The following PCGF5 variants were observed in gnomAD, a reference collection of about 807,000 sequenced individuals.
PCGF5 encodes the protein polycomb group RING finger protein 5.
Under a neutral mutation model 44.3 loss-of-function variants are expected in PCGF5, and 9 were observed. The observed-to-expected ratio is 0.20, with a 90% CI of 0.12 to 0.35. The LOEUF is 0.35. PCGF5 is among the 10% of genes least tolerant of loss of function. PCGF5 has a pLI of 1.00. For synonymous variants in PCGF5, 95 were observed against 102.5 expected (o/e 0.93, Z 0.44); for missense variants, 146 against 305.3 (o/e 0.48, Z 3.89).
intron 9 of PCGF5, among the ~76,000 whole-genome samples, chr10:91,273,977 A>G (rs1846247003): frequency 6.6e-6 from 1 of 151,852 alleles, no homozygotes; most frequent in Non-Finnish European, 1.5e-5. Flanking sequence ...AATTTTTCAA[A>G]ACAACAGAAA....
intron 1 of PCGF5, among the ~76,000 whole-genome samples, chr10:91,164,317 A>G (rs1843456845): frequency 6.6e-6 from 1 of 152,114 alleles, no homozygotes; most frequent in African/African-American, 2.4e-5. Flanking sequence ...CCTCTTCCAC[A>G]CTAACTTTTG....
intron 1 of PCGF5, among the ~76,000 whole-genome samples, chr10:91,184,470 A>T (rs1307949704): frequency 6.6e-6 from 1 of 152,138 alleles, no homozygotes; most frequent in Non-Finnish European, 1.5e-5. Flanking sequence ...TTTTAGCGTG[A>T]TTTTTAGCTT....
chr10:91,233,181 G>A (rs1326787290), intron 2 of PCGF5, among the ~76,000 whole-genome samples: 1 of 152,108 alleles, frequency 6.6e-6, no homozygotes, highest in East Asian at 1.9e-4. Flanking sequence ...ACGGGGAATG[G>A]GGCCATCCCA....
At position 91,241,712 on chromosome 10, in the gene PCGF5, A is replaced by G. The variant is rs1254874418; in HGVS notation, c.209+1132A>G. The stretch of plus-strand genomic sequence containing the variant: ...GCTACTCATCTAAAGATAGAGCTAG[A>G]TAGTCTCTGGAACCTTTCATAACTC... On this transcript the variant is annotated intron_variant, in intron 3 of 9. Transcript: ENST00000336126. Among the ~76,000 whole-genome samples the G allele has an allele frequency of 2.6e-5, 4 of 152,006 alleles. No homozygotes were observed. The South Asian group carries it at 6.2e-4, about 24-fold the overall frequency.
chr10:91,258,280 A>G (rs1845807491), intron 6 of PCGF5, among the ~76,000 whole-genome samples: 1 of 152,170 alleles, frequency 6.6e-6, no homozygotes, highest in African/African-American at 2.4e-5. Flanking sequence ...GATTGTAAGT[A>G]GTGATACAAA....
chr10:91,273,844 A>G (rs1846241448), intron 9 of PCGF5, among the ~76,000 whole-genome samples: 1 of 149,920 alleles, frequency 6.7e-6, no homozygotes, highest in Non-Finnish European at 1.5e-5. Context: ...AGTGTATAAT[A>G]TAAAATATTT....
exon 1 of PCGF5, chr10:91,163,029 G>C (rs2133148692): frequency 1.4e-5 from 2 of 146,834 alleles, no homozygotes; most frequent in East Asian, 4.1e-4. Flanking sequence ...GCGCGCGCTC[G>C]CGCACCACGC....
intron 1 of PCGF5, among the ~76,000 whole-genome samples, chr10:91,199,592 A>G (rs1023007778): frequency 6.6e-6 from 1 of 152,224 alleles, no homozygotes; most frequent in Non-Finnish European, 1.5e-5. Context: ...CATCTTCCAC[A>G]TTAATGTACG....
At chr10:91,194,975 G>A (rs1011896901) in intron 1 of PCGF5, among the ~76,000 whole-genome samples, 3 of 152,136 alleles carry the variant, frequency 2.0e-5, no homozygotes, top group Non-Finnish European at 4.4e-5. Flanking sequence ...ATTCACTATG[G>A]TGAAAGCAGA....
intron 1 of PCGF5, among the ~76,000 whole-genome samples, chr10:91,177,797 C>T (rs963016102): frequency 1.3e-5 from 2 of 152,168 alleles, no homozygotes; most frequent in African/African-American, 2.4e-5. Flanking sequence ...TTCCAGGTGC[C>T]GTCTGTCACC....
At position 91,261,344 on chromosome 10, in the gene PCGF5, A is replaced by G. The variant is rs1204358468; in HGVS notation, c.493A>G (p.Ile165Val). The G allele has an allele frequency of 1.3e-6, 2 of 1,498,156 alleles. No individual in the cohort carries two copies. Among genetic ancestry groups the G allele is most frequent in the Non-Finnish European group, 1.8e-6 (2 of 1,112,222 alleles). The allele number at this position is 1,498,156 out of a possible 1,614,324, so 92.8% of individuals were successfully genotyped here. ...NVVKGLMKKF[I>V]RCSTRVTVGT... ...CCTTTAGGGTTTAATGAAGAAATTCATTCGATGTTCTACACGTGTAACTGT... is the reference window on the plus strand; with the variant it reads ...CCTTTAGGGTTTAATGAAGAAATTCGTTCGATGTTCTACACGTGTAACTGT... The change falls in exon 7 of 10, where the codon ATT (isoleucine) becomes GTT (valine). Residue 165 changes from isoleucine to valine, a missense_variant. Physicochemically the swap from Ile to Val is conservative, Grantham distance 29 (BLOSUM62 3). Transcript: ENST00000336126.
In PCGF5 at chr10:91,166,060, C is replaced by T. The variant is rs76976285; in HGVS notation, c.-184+2979C>T. On this transcript the variant is annotated intron_variant, in intron 1 of 9. Coordinates refer to the PCGF5 transcript ENST00000614189. The stretch of plus-strand genomic sequence containing the variant: ...TAAAAGAGACCTTGAAATTACTTGG[C>T]GCAGTTCATTCCTTTTTAATCAATC... Among the ~76,000 whole-genome samples the T allele has an allele frequency of 8.2e-3, 1,247 of 152,234 alleles. 13 individuals carry two copies. Among genetic ancestry groups the T allele is most frequent in the African/African-American group, 0.028 (1,174 of 41,514 alleles).
chr10:91,164,422 T>C (rs1843459979), intron 1 of PCGF5, among the ~76,000 whole-genome samples: 1 of 152,240 alleles, frequency 6.6e-6, no homozygotes, highest in Non-Finnish European at 1.5e-5. Context: ...TGAGGAGCGC[T>C]GGTTCGCTGC....
At chr10:91,158,132 T>A (rs1843342393), upstream of PCGF5, among the ~76,000 whole-genome samples, 1 of 152,160 alleles carries the variant, frequency 6.6e-6, no homozygotes, top group African/African-American at 2.4e-5. Flanking sequence ...ACCTAAGAAA[T>A]CTAAAGTAAA....
intron 7 of PCGF5, among the ~76,000 whole-genome samples, chr10:91,263,020 A>G (rs1845960094): frequency 6.6e-6 from 1 of 152,234 alleles, no homozygotes; most frequent in Non-Finnish European, 1.5e-5. Context: ...GCTATAAACA[A>G]AGATGGAAGG....
At chr10:91,180,281 C>T (rs1379971495) in intron 1 of PCGF5, among the ~76,000 whole-genome samples, 2 of 151,850 alleles carry the variant, frequency 1.3e-5, no homozygotes, top group African/African-American at 4.8e-5. Flanking sequence ...AAAATTTTCT[C>T]CCATTCTGTA....
chr10:91,237,035 G>T (rs1845183760), intron 2 of PCGF5, among the ~76,000 whole-genome samples: 1 of 152,152 alleles, frequency 6.6e-6, no homozygotes, highest in Non-Finnish European at 1.5e-5. Flanking sequence ...ACATACATTG[G>T]TTAACAAAAT....
chr10:91,218,630 T>G (rs1844592488), upstream of PCGF5, among the ~76,000 whole-genome samples: 1 of 152,132 alleles, frequency 6.6e-6, no homozygotes, highest in Non-Finnish European at 1.5e-5. Context: ...TTGTTATTAT[T>G]CTTATTTTAT....
intron 1 of PCGF5, among the ~76,000 whole-genome samples, chr10:91,180,935 T>A (rs1412701095): frequency 6.6e-6 from 1 of 152,264 alleles, no homozygotes; most frequent in African/African-American, 2.4e-5. Context: ...ATAAATTGCT[T>A]TGGGCAGTAT....
Sources: allele counts gnomAD v4.1 joint callset (sites outside exome capture counted in the v4.1 genomes callset), GRCh38; gene constraint gnomAD v4.1.1; transcripts MANE v1.5; gene names NCBI Gene and HGNC (gene_info 2026-07-23, HGNC 2026-07-21).